CYP46A1: variants seen among roughly 807,000 people sequenced by gnomAD.
CYP46A1 encodes cholesterol 24-hydroxylase.
CYP46A1 carries 20 observed loss-of-function variants against 63.3 expected under a neutral mutation model. That is an observed-to-expected ratio of 0.32 (90% CI 0.22 to 0.46). The LOEUF (loss-of-function observed/expected upper bound fraction) is 0.46, where lower values mean the gene tolerates loss of function less well. Ranked by LOEUF, CYP46A1 falls within the 20% of genes least tolerant of loss-of-function variation. The pLI is 1.00. For synonymous variants in CYP46A1, 268 were observed against 273.6 expected (o/e 0.98, Z 0.20); for missense variants, 445 against 670.8 (o/e 0.66, Z 3.72).
chr14:99,716,292 G>A, intron 9 of CYP46A1, 93 bp downstream of exon 9: 2 of 1,390,280 alleles, frequency 1.4e-6, no homozygotes, highest in Non-Finnish European at 2.0e-6. Flanking sequence ...GGATTTTTTG[G>A]GCTATCTGAG....
At chr14:99,704,431 G>A (rs2056657814) in intron 5 of CYP46A1, among the ~76,000 whole-genome samples, 2 of 152,138 alleles carry the variant, frequency 1.3e-5, no homozygotes, top group Non-Finnish European at 2.9e-5. Flanking sequence ...CCACTGATGA[G>A]TTTCATCTCC....
At chr14:99,703,544 C>A (rs1412715178) in intron 5 of CYP46A1, 2 of 979,628 alleles carry the variant, frequency 2.0e-6, no homozygotes, top group Admixed American at 1.2e-4. Flanking sequence ...CTGGAAACCA[C>A]TGTGCTTTTT....
chr14:99,691,594 C>A (rs2056543673), intron 2 of CYP46A1, 186 bp from the exon 3 acceptor site: 1 of 608,856 alleles, frequency 1.6e-6, no homozygotes, highest in Non-Finnish European at 2.9e-6. Context: ...GGGGACATGA[C>A]TCGGCAAGTG....
chr14:99,691,717 G>C (rs771713484), intron 2 of CYP46A1, 63 bp from the exon 3 acceptor site: 22 of 1,466,708 alleles, frequency 1.5e-5, no homozygotes, highest in Middle Eastern at 1.7e-4. Context: ...TCAGCTGGGC[G>C]GGGTTGGTGA....
chr14:99,726,567 A>G lies in CYP46A1; in HGVS notation c.1343A>G (p.Lys448Arg). The G allele has an allele frequency of 6.3e-7, 1 of 1,587,038 alleles. No individual in the cohort carries two copies. ...GCCCGCTGGGCCCAGATGGAGGTGA[A>G]GGTGGTCATGGCAAAGCTGCTGCAG... ...IGQQFAQMEV[K>R]VVMAKLLQRL... Residue 448 changes from lysine (K) to arginine (R), a missense_variant, in exon 15 of 15, where the codon AAG becomes AGG. Lys to Arg is a conservative substitution (Grantham distance 26). Transcript: ENST00000261835.
chr14:99,715,749 G>C, intron 7 of CYP46A1, 61 bp from the exon 8 acceptor site: 1 of 1,607,416 alleles, frequency 6.2e-7, no homozygotes, highest in Non-Finnish European at 8.5e-7. Context: ...GGGTGGTGGG[G>C]GAGAGGGGAG....
rs1302010775 is a variant in CYP46A1, at chr14:99,722,923, G to A, written c.1176+857G>A. Reference sequence around the variant, plus strand: ...AGCCAGCTCCTCGGACATTTACCCAGAAGTGAGAGGGCTGGGTTGTAGGAC... The same window carrying A: ...AGCCAGCTCCTCGGACATTTACCCAAAAGTGAGAGGGCTGGGTTGTAGGAC... On this transcript the variant is annotated intron_variant, in intron 12 of 14. Coordinates refer to ENST00000261835, the MANE Select transcript of CYP46A1 (RefSeq NM_006668.2). The surrounding 1 kb of genome is among the most constrained non-coding windows in gnomAD (Gnocchi z 4.6). 1 of 454,320 alleles carries A rather than the reference G, an allele frequency of 2.2e-6. No homozygotes were observed. 28.1% of individuals were successfully genotyped at this position (454,320 alleles called of 1,614,324 possible).
At chr14:99,699,214 C>T (rs1309776189) in intron 3 of CYP46A1, among the ~76,000 whole-genome samples, 2 of 152,088 alleles carry the variant, frequency 1.3e-5, no homozygotes, top group Admixed American at 1.3e-4. Flanking sequence ...TTGGAGTGAG[C>T]AAGCCCTCCC....
chr14:99,702,057 G>A (rs966941612), intron 5 of CYP46A1, among the ~76,000 whole-genome samples: 33 of 122,890 alleles, frequency 2.7e-4, no homozygotes, highest in Non-Finnish European at 1.4e-4. Context: ...GTGACAGAGC[G>A]AGACTCCATC....
rs2056855061 is a variant in CYP46A1 at position 99,722,330 on chromosome 14, G to A, written c.1176+264G>A. On this transcript the variant is annotated intron_variant, in intron 12 of 14. Coordinates refer to ENST00000261835, the MANE Select transcript of CYP46A1 (RefSeq NM_006668.2). This position sits in a 1 kb window ranked among gnomAD's most constrained non-coding sequence, Gnocchi z 4.6. ...GCTGAGGACACTGAGGTTCAGAGAG[G>A]TTAGGTCACTTTCCTGGGGTCACAC... is the stretch of plus-strand genomic sequence containing the variant. 6.6e-6 allele frequency among the ~76,000 whole-genome samples: 1 copy of A among 152,178 alleles called. No individual in the cohort carries two copies. The highest frequency in any genetic ancestry group is 2.4e-5 in the African/African-American group (1 of 41,436).
At chr14:99,687,358 A>T (rs2056503405) in intron 1 of CYP46A1, among the ~76,000 whole-genome samples, 1 of 152,018 alleles carries the variant, frequency 6.6e-6, no homozygotes, top group Admixed American at 6.5e-5. Flanking sequence ...GGATAAATTG[A>T]CTCCTCCTGG....
chr14:99,694,314 C>G (rs1009984493), intron 3 of CYP46A1, among the ~76,000 whole-genome samples: 4 of 132,498 alleles, frequency 3.0e-5, no homozygotes, highest in South Asian at 2.3e-4. Flanking sequence ...TTTTTAATGT[C>G]TGTAGGATCT....
At chr14:99,720,745 A>G (rs563580243) in intron 10 of CYP46A1, among the ~76,000 whole-genome samples, 1 of 151,830 alleles carries the variant, frequency 6.6e-6, no homozygotes, top group Non-Finnish European at 1.5e-5. Flanking sequence ...CATAGTTCCC[A>G]GTGGTTTGGG....
intron 10 of CYP46A1, 26 bp downstream of exon 10, chr14:99,718,152 CAA>C (rs2056809614): frequency 6.2e-7 from 1 of 1,605,496 alleles, no homozygotes; most frequent in South Asian, 1.1e-5. Flanking sequence ...TTGGGGCTGG[CAA>C]AGAGGTCTGT....
At chr14:99,726,330 T>C (rs951754276) in intron 14 of CYP46A1, 74 bp downstream of exon 14, 2 of 1,506,162 alleles carry the variant, frequency 1.3e-6, no homozygotes, top group African/African-American at 2.8e-5. Flanking sequence ...CCGGGAAGCA[T>C]CTCCGAACCC....
intron 3 of CYP46A1, among the ~76,000 whole-genome samples, chr14:99,694,371 CTTTT>C (rs74872295): frequency 3.5e-5 from 3 of 86,320 alleles, no homozygotes; most frequent in East Asian, 3.5e-4. Flanking sequence ...TTTGGGTTTT[CTTTT>C]TTTTTTTTTT....
In CYP46A1 at chr14:99,707,620, C is replaced by T. The variant is rs773630837; in HGVS notation, c.635C>T (p.Ser212Phe). ...SMLLGAQKPL[S>F]QAVKLMLEGI... Reference sequence around the variant, plus strand: ...CTGCTGGGTGCCCAGAAGCCTCTGTCCCAGGCAGTGAAACTTATGTTGGAG... The same window carrying T: ...CTGCTGGGTGCCCAGAAGCCTCTGTTCCAGGCAGTGAAACTTATGTTGGAG... The change falls in exon 7 of 15, where the codon TCC becomes TTC. Residue 212 changes from serine (S) to phenylalanine (F), a missense_variant. Physicochemically the swap from Ser to Phe is radical, Grantham distance 155. Transcript: ENST00000261835. 1 of 1,614,140 alleles carries T rather than the reference C, an allele frequency of 6.2e-7. No homozygotes were observed. The highest frequency in any genetic ancestry group is 2.2e-5 in the East Asian group (1 of 44,868).
At chr14:99,714,275 A>T (rs1304442807) in intron 7 of CYP46A1, among the ~76,000 whole-genome samples, 1 of 152,232 alleles carries the variant, frequency 6.6e-6, no homozygotes, top group East Asian at 1.9e-4. Context: ...GTTGGCAGGG[A>T]TGTAAATTTG....
intron 6 of CYP46A1, among the ~76,000 whole-genome samples, 173 bp downstream of exon 6, chr14:99,706,958 A>G (rs1434262722): frequency 6.6e-6 from 1 of 152,196 alleles, no homozygotes; most frequent in African/African-American, 2.4e-5. Context: ...ATTCAAAGCA[A>G]CCTAGTGTGA....
Sources: allele counts gnomAD v4.1 joint callset (sites outside exome capture counted in the v4.1 genomes callset), GRCh38; gene constraint gnomAD v4.1.1; non-coding constraint Gnocchi (gnomAD v3.1); transcripts MANE v1.5; gene names NCBI Gene and HGNC (gene_info 2026-07-23, HGNC 2026-07-21).